Variants in SP140 observed in about 807,000 individuals in gnomAD.
The protein encoded by SP140 is SP140 nuclear body protein.
Under a neutral mutation model 125.0 loss-of-function variants are expected in SP140, and 81 were observed. The ratio of observed to expected loss-of-function variants is 0.65; its 90% CI spans 0.54 to 0.78. SP140 has a LOEUF of 0.78. Among genes scored for constraint, SP140 ranks in the 30% least tolerant of loss-of-function variants. SP140 has a pLI of 0.00. For synonymous variants in SP140, 312 were observed against 354.0 expected (o/e 0.88, Z 1.33); for missense variants, 858 against 1,037.0 (o/e 0.83, Z 2.37).
At chr2:230,310,164 A>T (rs1245433547) in intron 23 of SP140, 125 bp downstream of exon 23, 3 of 868,114 alleles carry the variant, frequency 3.5e-6, no homozygotes, top group African/African-American at 3.4e-5. Flanking sequence ...GGGTACTGGG[A>T]CCCAGCAGTG....
chr2:230,286,523 A>ATC (rs1181353113), intron 17 of SP140, among the ~76,000 whole-genome samples: 3 of 152,170 alleles, frequency 2.0e-5, no homozygotes, highest in Non-Finnish European at 4.4e-5. Flanking sequence ...GTGAAATGAC[A>ATC]TTGCAAGTGG....
chr2:230,259,008 G>C (rs2051732641), intron 12 of SP140, among the ~76,000 whole-genome samples: 1 of 152,194 alleles, frequency 6.6e-6, no homozygotes, highest in Non-Finnish European at 1.5e-5. Flanking sequence ...ACTAGGATGA[G>C]ATGTGGCTAC....
intron 13 of SP140, 77 bp downstream of exon 13, chr2:230,269,695 A>AAATT: frequency 9.0e-7 from 1 of 1,113,664 alleles, no homozygotes; most frequent in East Asian, 2.4e-5. Flanking sequence ...AAATAGACTT[A>AAATT]AAGGAAGAGT....
chr2:230,251,071 G>A lies in SP140; in HGVS notation c.1057+10G>A, dbSNP rs1426068037. On this transcript the variant is annotated intron_variant, in intron 10 of 26. Coordinates refer to ENST00000392045, the MANE Select transcript of SP140 (RefSeq NM_007237.5). Reference sequence around the variant, plus strand: ...GCAAGATGTGGGTCAGGTAAAGAAGGGGAGGATTTCTGGCCCTGGGCTGCA... The same window carrying A: ...GCAAGATGTGGGTCAGGTAAAGAAGAGGAGGATTTCTGGCCCTGGGCTGCA... The A allele has an allele frequency of 6.2e-7, 1 of 1,611,322 alleles. No homozygotes were observed. The highest frequency in any genetic ancestry group is 2.2e-5 in the East Asian group (1 of 44,866).
At chr2:230,251,159 C>A in intron 10 of SP140, 98 bp downstream of exon 10, 2 of 974,604 alleles carry the variant, frequency 2.1e-6, no homozygotes, top group South Asian at 1.4e-5. Flanking sequence ...AAGTATACTT[C>A]ACAGTGAAAG....
At chr2:230,298,153 A>T (rs188757876) in intron 22 of SP140, among the ~76,000 whole-genome samples, 6 of 152,286 alleles carry the variant, frequency 3.9e-5, no homozygotes, top group African/African-American at 1.4e-4. Flanking sequence ...CTGATGCCAC[A>T]GGCCCCATCC....
At chr2:230,188,176 G>C in the SP140 span, among the ~76,000 whole-genome samples, 1 of 152,100 alleles carries the variant, frequency 6.6e-6, no homozygotes. Flanking sequence ...GCAGTGTTTT[G>C]TAGTTCTCCC....
At chr2:230,272,756 G>A (rs1414567657) in intron 15 of SP140, among the ~76,000 whole-genome samples, 1 of 152,104 alleles carries the variant, frequency 6.6e-6, no homozygotes, top group African/African-American at 2.4e-5. Flanking sequence ...ACATAGCCCA[G>A]TGGAACAGAA....
chr2:230,265,585 T>A (rs73104283), intron 12 of SP140, among the ~76,000 whole-genome samples: 11 of 152,022 alleles, frequency 7.2e-5, no homozygotes, highest in Admixed American at 7.2e-4. Flanking sequence ...GGAATGGCCT[T>A]CTAGGGGACC....
chr2:230,239,034 T>C, intron 3 of SP140: 2 of 1,405,326 alleles, frequency 1.4e-6, no homozygotes, highest in East Asian at 2.5e-5. Flanking sequence ...TGGAGTTTAA[T>C]TTTTGGAAAA....
intron 15 of SP140, among the ~76,000 whole-genome samples, chr2:230,279,318 T>A (rs1224981295): frequency 6.6e-6 from 1 of 152,084 alleles, no homozygotes; most frequent in Non-Finnish European, 1.5e-5. Flanking sequence ...AAAGGAATCC[T>A]AAAATTTGTA....
chr2:230,251,152 T>G (rs1410165695), intron 10 of SP140, 91 bp downstream of exon 10: 6 of 1,040,362 alleles, frequency 5.8e-6, no homozygotes, highest in Non-Finnish European at 7.3e-6. Context: ...TTCCTCCAAG[T>G]ATACTTCACA....
chr2:230,265,459 G>A lies in SP140; in HGVS notation c.1241-4073G>A, dbSNP rs2396740. On this transcript the variant is annotated intron_variant, in intron 12 of 26. Transcript: ENST00000392045. Reference sequence around the variant, plus strand: ...GGATTTGCGCCCTCACAAGAGTTCTGTCCAGGAGGCGTCTCACCCTGTTCA... The same window carrying A: ...GGATTTGCGCCCTCACAAGAGTTCTATCCAGGAGGCGTCTCACCCTGTTCA... Among the ~76,000 whole-genome samples the A allele has an allele frequency of 2.6e-4, 39 of 152,262 alleles. No individual in the cohort carries two copies. In the East Asian group the frequency reaches 7.5e-3, roughly 29 times the overall value.
In SP140 at chr2:230,248,906, C is replaced by T; in HGVS notation, c.914C>T (p.Pro305Leu). The T allele has an allele frequency of 1.2e-6, 2 of 1,612,608 alleles. No individual in the cohort carries two copies. Among genetic ancestry groups the T allele is most frequent in the Non-Finnish European group, 1.7e-6 (2 of 1,178,770 alleles). ...GCAGAGACCTTTGATCTAAAAACTC[C>T]CCAAGTCACTAATGAAGGAGAACCA... ...RDKETFDLKT[P>L]QVTNEGEPEK... The change falls in exon 9 of 27, where the codon CCC becomes CTC. Residue 305 changes from proline (P) to leucine (L), a missense_variant. This residue lies in a region of SP140 where 791 missense variants were observed against 869.5 expected (regional missense o/e 0.91). Coordinates refer to ENST00000392045, the MANE Select transcript of SP140 (RefSeq NM_007237.5).
chr2:230,242,119 C>T (rs1011879885), intron 4 of SP140, among the ~76,000 whole-genome samples: 18 of 151,736 alleles, frequency 1.2e-4, no homozygotes, highest in African/African-American at 2.7e-4. Flanking sequence ...AAAGGTAAAC[C>T]GAAACATCTG....
chr2:230,313,678 A>G (rs2059458676), downstream of SP140, among the ~76,000 whole-genome samples: 1 of 152,178 alleles, frequency 6.6e-6, no homozygotes, highest in Non-Finnish European at 1.5e-5. Context: ...ATGCAACCTA[A>G]GGTAATGGCC....
At chr2:230,230,950 T>C (rs114063554) in intron 1 of SP140, among the ~76,000 whole-genome samples, 58 of 152,368 alleles carry the variant, frequency 3.8e-4, no homozygotes, top group African/African-American at 1.3e-3. Context: ...TTTTTTCCTT[T>C]TTTTTTCCTC....
At chr2:230,192,426 C>T in the SP140 span, among the ~76,000 whole-genome samples, 1 of 152,198 alleles carries the variant, frequency 6.6e-6, no homozygotes, top group Admixed American at 6.5e-5. Flanking sequence ...TGATAAGCAA[C>T]TTCAACAAAG....
At chr2:230,234,358 TC>T (rs2149083253) in intron 1 of SP140, among the ~76,000 whole-genome samples, 1 of 152,250 alleles carries the variant, frequency 6.6e-6, no homozygotes, top group Non-Finnish European at 1.5e-5. Flanking sequence ...TACCCATTGC[TC>T]CAAGGGAGGT....
Sources: allele counts gnomAD v4.1 joint callset (sites outside exome capture counted in the v4.1 genomes callset), GRCh38; gene constraint gnomAD v4.1.1; regional missense constraint gnomAD v4.1.1; transcripts MANE v1.5; gene names NCBI Gene and HGNC (gene_info 2026-07-23, HGNC 2026-07-21).